Variants in OVGP1 observed in about 807,000 individuals in gnomAD.
OVGP1 encodes the protein oviductal glycoprotein 1, also known as oviduct-specific glycoprotein.
A neutral mutation model predicts 48.2 loss-of-function variants in OVGP1; 26 were observed. That is an observed-to-expected ratio of 0.54 (90% CI 0.40 to 0.75). OVGP1 has a LOEUF of 0.75. Among genes scored for constraint, OVGP1 ranks in the 30% least tolerant of loss-of-function variants. OVGP1 has a pLI of 0.00. For synonymous variants in OVGP1, 294 were observed against 305.7 expected (o/e 0.96, Z 0.40); for missense variants, 791 against 820.6 (o/e 0.96, Z 0.44).
At chr1:111,419,867 A>G (rs2101724982) in intron 8 of OVGP1, 141 bp from the exon 9 acceptor site, 1 of 631,656 alleles carries the variant, frequency 1.6e-6, no homozygotes, top group East Asian at 2.6e-5. Flanking sequence ...GAGAGAATGG[A>G]GAGGCCACTC....
intron 5 of OVGP1, 121 bp from the exon 6 acceptor site, chr1:111,423,172 G>A (rs1652316216): frequency 1.6e-6 from 2 of 1,214,610 alleles, no homozygotes; most frequent in South Asian, 1.4e-5. Flanking sequence ...ACGAAGGTGA[G>A]TTGGACATGG....
rs75257983 is a variant in OVGP1, at chr1:111,426,303, C to G, written c.260+134G>C. The G allele has an allele frequency of 1.9e-3, 2,329 of 1,252,082 alleles. 35 individuals carry two copies. The African/African-American group carries it at 0.031, about 17-fold the overall frequency. 77.6% of individuals were successfully genotyped at this position (1,252,082 alleles called of 1,614,324 possible). A position where few individuals can be genotyped will look rare whatever the true frequency, so the allele number is the denominator to read the frequency against. On this transcript the variant is annotated intron_variant, in intron 3 of 10. Coordinates refer to ENST00000369732, the MANE Select transcript of OVGP1 (RefSeq NM_002557.4). ...ACAAGGAGTTCTCAAGTTGGGGGTGCTCTGGACCCCTATTTGAGAGGAAGG... is the reference window on the plus strand; with the variant it reads ...ACAAGGAGTTCTCAAGTTGGGGGTGGTCTGGACCCCTATTTGAGAGGAAGG...
intron 8 of OVGP1, 22 bp from the exon 9 acceptor site, chr1:111,419,748 T>G (rs749152441): frequency 6.8e-7 from 1 of 1,467,424 alleles, no homozygotes; most frequent in East Asian, 2.3e-5. Flanking sequence ...ACCACCAGGT[T>G]AGTTCTGGGA....
chr1:111,416,626 G>A, intron 9 of OVGP1, 168 bp from the exon 10 acceptor site: 4 of 474,996 alleles, frequency 8.4e-6, no homozygotes, highest in South Asian at 5.9e-5. Context: ...GGATCCTGAA[G>A]AAGTTATGTA....
intron 9 of OVGP1, among the ~76,000 whole-genome samples, chr1:111,418,600 G>A (rs1419113464): frequency 6.6e-6 from 1 of 152,084 alleles, no homozygotes; most frequent in Admixed American, 6.6e-5. Context: ...CTCTATTTAA[G>A]TCTCAATATC....
At chr1:111,415,593 T>C (rs1652115326) in intron 10 of OVGP1, among the ~76,000 whole-genome samples, 1 of 152,188 alleles carries the variant, frequency 6.6e-6, no homozygotes, top group Non-Finnish European at 1.5e-5. Flanking sequence ...ACATTTTCCA[T>C]GAATGACCTC....
chr1:111,415,041 ATGGAC>A lies in OVGP1; in HGVS notation c.1455_1459del (p.Gln485HisfsTer69), dbSNP rs1652095511. ...GGTCAGGGCCTTCTCTCCAGGGGTCATGGACTGATGACCCACAGAAGTCATGGTCA... is the reference window on the plus strand; with the variant it reads ...GGTCAGGGCCTTCTCTCCAGGGGTCATGATGACCCACAGAAGTCATGGTCA... On this transcript the variant is annotated frameshift_variant, in exon 11 of 11. Coordinates refer to ENST00000369732, the MANE Select transcript of OVGP1 (RefSeq NM_002557.4). LOFTEE classifies it low-confidence loss of function (END_TRUNC). 7 of 1,613,888 alleles carry A rather than the reference ATGGAC, an allele frequency of 4.3e-6. No homozygotes were observed. The highest frequency in any genetic ancestry group is 5.9e-6 in the Non-Finnish European group (7 of 1,179,788).
intron 8 of OVGP1, 138 bp from the exon 9 acceptor site, chr1:111,419,864 T>C (rs1652220542): frequency 7.9e-6 from 5 of 633,690 alleles, no homozygotes; most frequent in Admixed American, 2.6e-5. Context: ...AAAGAGAGAA[T>C]GGAGAGGCCA....
At chr1:111,416,946 T>C (rs1222776744) in intron 9 of OVGP1, among the ~76,000 whole-genome samples, 3 of 152,162 alleles carry the variant, frequency 2.0e-5, no homozygotes, top group Non-Finnish European at 4.4e-5. Flanking sequence ...TTCGAGAAGA[T>C]GAAAAAGTTC....
At position 111,423,569 on chromosome 1, in the gene OVGP1, G is replaced by T; in HGVS notation, c.457C>A (p.Arg153=). 6.2e-7 allele frequency: 1 copy of T among 1,614,110 alleles called. No homozygotes were observed. Among genetic ancestry groups the T allele is most frequent in the African/African-American group, 1.3e-5 (1 of 75,008 alleles). The part of the protein sequence containing the change: ...PGLRGSPMHD[R]WTFLFLIEEL... ...TCAATTAAGAAGAGAAAAGTCCACCGGTCATGCATGGGGCTGCCTCTTAGT... is the reference window on the plus strand; with the variant it reads ...TCAATTAAGAAGAGAAAAGTCCACCTGTCATGCATGGGGCTGCCTCTTAGT... Residue 153 remains arginine, a synonymous_variant, in exon 5 of 11, where the codon CGG becomes AGG. Transcript: ENST00000369732.
At chr1:111,421,907 C>G (rs962162763) in intron 6 of OVGP1, among the ~76,000 whole-genome samples, 2 of 152,112 alleles carry the variant, frequency 1.3e-5, no homozygotes, top group African/African-American at 2.4e-5. Context: ...TGGAGGTAGG[C>G]AGGAGTTAGA....
intron 4 of OVGP1, 51 bp from the exon 5 acceptor site, chr1:111,423,759 C>A: frequency 6.4e-7 from 1 of 1,570,230 alleles, no homozygotes; most frequent in Non-Finnish European, 8.7e-7. Context: ...AGAATCACAA[C>A]CTCCTACAAG....
rs1198735897 is a variant in OVGP1, at chr1:111,415,019, C to A, written c.1482G>T (p.Leu494=). 1 of 1,612,144 alleles carries A rather than the reference C, an allele frequency of 6.2e-7. No homozygotes were observed. The highest frequency in any genetic ancestry group is 1.3e-5 in the African/African-American group (1 of 74,866). ...TCACAGATTGATGACCCACAGGGGT[C>A]AGGGCCTTCTCTCCAGGGGTCATGG... is the stretch of plus-strand genomic sequence containing the variant. ...HQSMTPGEKA[L]TPVGHQSVTT... The change falls in exon 11 of 11, where the codon CTG becomes CTT. Residue 494 remains leucine (L), a synonymous_variant. Transcript: ENST00000369732.
intron 4 of OVGP1, 90 bp downstream of exon 4, chr1:111,425,293 G>A (rs890928370): frequency 2.0e-5 from 29 of 1,478,336 alleles, no homozygotes; most frequent in Non-Finnish European, 2.4e-5. Context: ...TTTGCTGTCC[G>A]CATGGCCAAG....
rs368342574 is a variant in OVGP1, at chr1:111,421,431, C to T, written c.748G>A (p.Gly250Arg). 6.2e-7 allele frequency: 1 copy of T among 1,611,812 alleles called. No homozygotes were observed. The highest frequency in any genetic ancestry group is 2.2e-5 in the East Asian group (1 of 44,874). ...ATGATGAGCTTCTCTGAGGGTGCCC[C>T]AAGCTTTCTCCAATAATTCATAGCA... ...AYAMNYWRKL[G>R]APSEKLIMGI... The change falls in exon 8 of 11, where the codon GGG becomes AGG. Residue 250 changes from glycine to arginine, a missense_variant. Gly to Arg is a moderately radical substitution (Grantham distance 125). Coordinates refer to ENST00000369732, the MANE Select transcript of OVGP1 (RefSeq NM_002557.4).
Position 111,414,440 on chromosome 1 carries a change from C to T in OVGP1, c.*24G>A. 6.4e-7 allele frequency: 1 copy of T among 1,574,252 alleles called. No homozygotes were observed. Among genetic ancestry groups the T allele is most frequent in the Non-Finnish European group, 8.6e-7 (1 of 1,159,998 alleles). ...CTTAGAAGAAAAGACAAGGGTTTTC[C>T]CTGGTTTCTGACACCAGAGGGGCTT... On this transcript the variant is annotated 3_prime_UTR_variant, in exon 11 of 11. Transcript: ENST00000369732.
rs1652420604 is a variant in OVGP1 at position 111,427,189 on chromosome 1, A to T, written c.26-98T>A. On this transcript the variant is annotated intron_variant, in intron 1 of 10. Coordinates refer to ENST00000369732, the MANE Select transcript of OVGP1 (RefSeq NM_002557.4). ...CTGATTAGCAAGGGTGCCCACCAAC[A>T]CACCACCTTATGCAGATGCAGACAC... The T allele has an allele frequency of 6.9e-6, 11 of 1,591,088 alleles. No homozygotes were observed. In the South Asian group the frequency reaches 8.0e-5, roughly 12 times the overall value.
At chr1:111,427,618 AG>A (rs1296495392) in intron 1 of OVGP1, 78 bp downstream of exon 1, 4 of 1,502,090 alleles carry the variant, frequency 2.7e-6, no homozygotes, top group Non-Finnish European at 3.7e-6. Flanking sequence ...CTGCTCTCTC[AG>A]GCACCAGAGA....
At chr1:111,417,819 A>G (rs866953278) in intron 9 of OVGP1, among the ~76,000 whole-genome samples, 14 of 152,364 alleles carry the variant, frequency 9.2e-5, no homozygotes, top group African/African-American at 3.1e-4. Context: ...CTGCATATGC[A>G]GTGGGGTCTG....
Sources: gnomAD v4.1 joint callset for allele counts (sites outside exome capture counted in the v4.1 genomes callset) on GRCh38, gnomAD v4.1.1 for gene constraint, MANE v1.5 for transcripts, NCBI Gene and HGNC (gene_info 2026-07-23, HGNC 2026-07-21) for gene names.